The following SULT2B1 variants were observed in gnomAD, a reference collection of about 807,000 sequenced individuals.
SULT2B1 encodes sulfotransferase 2B1.
SULT2B1 carries 16 observed loss-of-function variants against 33.2 expected under a neutral mutation model. The ratio of observed to expected loss-of-function variants is 0.48; its 90% CI spans 0.33 to 0.73. SULT2B1 has a LOEUF of 0.73. Ranked by LOEUF, SULT2B1 falls within the 30% of genes least tolerant of loss-of-function variation. The probability of loss-of-function intolerance (pLI) is 0.02; values close to 1 mark genes in which losing one functional copy is unlikely to be tolerated. For missense variants in SULT2B1, 500 were observed against 506.0 expected (o/e 0.99, Z 0.11); for synonymous variants, 186 against 200.5 (o/e 0.93, Z 0.61).
chr19:48,553,401 G>A (rs1220916751), intron 1 of SULT2B1, among the ~76,000 whole-genome samples: 3 of 152,182 alleles, frequency 2.0e-5, no homozygotes, highest in Non-Finnish European at 2.9e-5. Context: ...TCCGCGTCCT[G>A]GGTTCAAGTG....
At chr19:48,589,297 G>A (rs929804335) in intron 3 of SULT2B1, among the ~76,000 whole-genome samples, 1 of 151,966 alleles carries the variant, frequency 6.6e-6, no homozygotes, top group East Asian at 1.9e-4. Flanking sequence ...TGTCAGGGTG[G>A]GGCAACTGGG....
chr19:48,592,511 C>A (rs1201546377), intron 4 of SULT2B1, among the ~76,000 whole-genome samples: 1 of 152,126 alleles, frequency 6.6e-6, no homozygotes, highest in African/African-American at 2.4e-5. Context: ...GACAGATAGA[C>A]AAAGGCCCCC....
At chr19:48,569,008 A>G (rs11083944) in intron 1 of SULT2B1, among the ~76,000 whole-genome samples, 62,421 of 151,886 alleles carry the variant, frequency 0.41, 14,025 homozygotes, top group South Asian at 0.58. Context: ...TTCTAGCAGC[A>G]TTTAGCATTT....
chr19:48,572,905 C>T (rs1031056753), intron 1 of SULT2B1, among the ~76,000 whole-genome samples: 2 of 152,068 alleles, frequency 1.3e-5, no homozygotes, highest in African/African-American at 4.8e-5. Context: ...GCCTGGAATT[C>T]CAGCACTTTG....
chr19:48,597,757 C>T (rs1279254775), intron 6 of SULT2B1, among the ~76,000 whole-genome samples: 3 of 150,946 alleles, frequency 2.0e-5, no homozygotes, highest in Non-Finnish European at 4.4e-5. Context: ...AATTCTCCTG[C>T]CTCAGCCTCC....
At chr19:48,590,282 C>A (rs1361039397) in intron 3 of SULT2B1, among the ~76,000 whole-genome samples, 1 of 152,076 alleles carries the variant, frequency 6.6e-6, no homozygotes, top group African/African-American at 2.4e-5. Context: ...AGCCACAGTG[C>A]CTGGCCGACA....
At chr19:48,568,859 G>A (rs2665607) in intron 1 of SULT2B1, among the ~76,000 whole-genome samples, 151,055 of 152,128 alleles carry the variant, frequency 0.99, 75,000 homozygotes, top group Middle Eastern at 1. Context: ...TCCCACTCAG[G>A]CCCCAGAATC....
At chr19:48,567,829 G>T (rs1372016240) in intron 1 of SULT2B1, among the ~76,000 whole-genome samples, 1 of 151,894 alleles carries the variant, frequency 6.6e-6, no homozygotes, top group African/African-American at 2.4e-5. Flanking sequence ...CATTAGCCAG[G>T]TGTGGTGGTG....
At chr19:48,562,118 G>A (rs1281303840) in intron 1 of SULT2B1, among the ~76,000 whole-genome samples, 5 of 152,140 alleles carry the variant, frequency 3.3e-5, no homozygotes, top group Non-Finnish European at 7.4e-5. Flanking sequence ...CAGGTGTGGT[G>A]GCTTATGCCT....
At chr19:48,593,763 C>T (rs60516739) in intron 5 of SULT2B1, among the ~76,000 whole-genome samples, 7 of 149,846 alleles carry the variant, frequency 4.7e-5, no homozygotes, top group East Asian at 2.1e-4. Context: ...GCCTCCCAAG[C>T]AGCTGGGATT....
chr19:48,568,628 C>G (rs10408348), intron 1 of SULT2B1, among the ~76,000 whole-genome samples: 1,537 of 152,302 alleles, frequency 0.01, 20 homozygotes, highest in African/African-American at 0.035. Context: ...AGAGGCAGGG[C>G]AGGGCGCCGG....
chr19:48,594,724 A>G (rs1973687611), intron 5 of SULT2B1, among the ~76,000 whole-genome samples: 1 of 152,236 alleles, frequency 6.6e-6, no homozygotes, highest in African/African-American at 2.4e-5. Flanking sequence ...GCTGCATATC[A>G]GAAGGTAGTG....
intron 2 of SULT2B1, among the ~76,000 whole-genome samples, 161 bp downstream of exon 2, chr19:48,576,244 C>T (rs1306150307): frequency 2.6e-5 from 4 of 151,820 alleles, no homozygotes; most frequent in Non-Finnish European, 4.4e-5. Flanking sequence ...GATACCCACC[C>T]GGTGCCCAGC....
chr19:48,580,049 G>A (rs777856536), intron 2 of SULT2B1, among the ~76,000 whole-genome samples: 2 of 151,376 alleles, frequency 1.3e-5, no homozygotes, highest in Admixed American at 6.6e-5. Flanking sequence ...TGAGCCTCCT[G>A]AGTAGCTGGG....
rs530246684 is a variant in SULT2B1, at chr19:48,555,592, T to C, written c.71+3269T>C. On this transcript the variant is annotated intron_variant, in intron 1 of 6. Coordinates refer to ENST00000201586, the MANE Select transcript of SULT2B1 (RefSeq NM_177973.2). Reference sequence around the variant, plus strand: ...TCTCTCTCTCTCTCTCTCTCTCTTTTGAGACAGAGCCTTGCTCTGTGGCTC... The same window carrying C: ...TCTCTCTCTCTCTCTCTCTCTCTTTCGAGACAGAGCCTTGCTCTGTGGCTC... Among the ~76,000 whole-genome samples, 748 of 115,150 alleles carry C rather than the reference T, an allele frequency of 6.5e-3. 6 individuals carry two copies. Among genetic ancestry groups the C allele is most frequent in the African/African-American group, 0.026 (680 of 26,422 alleles). The allele number at this position is 115,150 out of a possible 152,430, so 75.5% of individuals were successfully genotyped here.
At position 48,576,362 on chromosome 19, in the gene SULT2B1, T is replaced by TTCTTTTTTTTTTTC. The variant is rs1385088128; in HGVS notation, c.214+280_214+281insCTTTTTTTTTTTCT. Among the ~76,000 whole-genome samples the TTCTTTTTTTTTTTC allele has an allele frequency of 2.5e-5, 3 of 118,656 alleles. No individual in the cohort carries two copies. In the East Asian group the frequency reaches 7.1e-4, roughly 28 times the overall value. 77.8% of individuals were successfully genotyped at this position (118,656 alleles called of 152,430 possible). A position where few individuals can be genotyped will look rare whatever the true frequency, so the allele number is the denominator to read the frequency against. On this transcript the variant is annotated intron_variant, in intron 2 of 6. Transcript: ENST00000201586. ...TTCCCCTTTACCCTCTACTTCTCTT[T>TTCTTTTTTTTTTTC]TTTTTTTTTTTTTTTGTAGAGATGG...
chr19:48,595,877 G>C (rs1973706357), intron 5 of SULT2B1: 1 of 152,338 alleles, frequency 6.6e-6, no homozygotes. Flanking sequence ...ATGTTGGCCA[G>C]ACTGGTCTCG....
chr19:48,555,528 G>C (rs1411103387), intron 1 of SULT2B1, among the ~76,000 whole-genome samples: 2 of 142,072 alleles, frequency 1.4e-5, no homozygotes, highest in East Asian at 2.1e-4. Flanking sequence ...CTGGCTCCTT[G>C]CATAGGGATC....
At chr19:48,573,991 G>A (rs536671364) in intron 1 of SULT2B1, among the ~76,000 whole-genome samples, 5 of 152,256 alleles carry the variant, frequency 3.3e-5, no homozygotes, top group African/African-American at 1.2e-4. Flanking sequence ...CTCCCAAGTA[G>A]CTGGGACTAC....
Sources: gnomAD v4.1 joint callset for allele counts (sites outside exome capture counted in the v4.1 genomes callset) on GRCh38, gnomAD v4.1.1 for gene constraint, MANE v1.5 for transcripts, NCBI Gene and HGNC (gene_info 2026-07-23, HGNC 2026-07-21) for gene names.